ZFX: variants seen among roughly 807,000 people sequenced by gnomAD.
ZFX encodes the protein zinc finger X-chromosomal protein.
For synonymous variants in ZFX, 196 were observed against 226.8 expected (o/e 0.86, Z 1.22); for missense variants, 362 against 628.3 (o/e 0.58, Z 4.53).
chrX:24,205,914 T>C (rs781284519), intron 5 of ZFX, among the ~76,000 whole-genome samples: 7 of 111,232 alleles, frequency 6.3e-5, no homozygotes, highest in African/African-American at 2.3e-4. Context: ...ATCCCCTGAG[T>C]CTCTACTATT....
chrX:24,206,549 GTA>G (rs1157401741), intron 5 of ZFX, among the ~76,000 whole-genome samples: 16 of 56,194 alleles, frequency 2.8e-4, no homozygotes, highest in Admixed American at 1.5e-3. Context: ...GTGTGTGTGT[GTA>G]TTTTTTTTTT....
intron 3 of ZFX, among the ~76,000 whole-genome samples, chrX:24,165,122 C>A (rs1473111623): frequency 1.3e-5 from 1 of 79,855 alleles, no homozygotes; most frequent in Non-Finnish European, 2.4e-5. Flanking sequence ...AAAATATTTT[C>A]TTTTCTTTCT....
At position 24,212,115 on chromosome X, in the gene ZFX, T is replaced by G. The variant is rs1938129607; in HGVS notation, c.*739T>G. The G allele has an allele frequency of 8.9e-6, 1 of 112,606 alleles. No individual in the cohort carries two copies. The highest frequency in any genetic ancestry group is 1.9e-5 in the Non-Finnish European group (1 of 53,345). The allele number at this position is 112,606 out of a possible 1,213,427, so 9.3% of individuals were successfully genotyped here. A position where few individuals can be genotyped will look rare whatever the true frequency, so the allele number is the denominator to read the frequency against. On this transcript the variant is annotated 3_prime_UTR_variant, in exon 10 of 10. Coordinates refer to ENST00000304543, the MANE Select transcript of ZFX (RefSeq NM_003410.4). The stretch of plus-strand genomic sequence containing the variant: ...ATTATTCTGTCTGTGCGGCTTCATC[T>G]TGGAATGGTTGTGTGCTACAAATGA...
chrX:24,187,423 G>A (rs1263172379), intron 5 of ZFX, among the ~76,000 whole-genome samples: 1 of 111,471 alleles, frequency 9.0e-6, no homozygotes, highest in African/African-American at 3.3e-5. Context: ...GTAGATGGGG[G>A]AGGCAAATAG....
intron 4 of ZFX, chrX:24,177,795 G>A (rs1317918754): frequency 1.3e-6 from 1 of 752,158 alleles, no homozygotes; most frequent in Non-Finnish European, 1.6e-6. Flanking sequence ...AAAAATAGAA[G>A]TAAAAGAAAC....
intron 3 of ZFX, among the ~76,000 whole-genome samples, chrX:24,168,586 G>T: frequency 9.2e-6 from 1 of 108,976 alleles, no homozygotes; most frequent in Admixed American, 9.9e-5. Flanking sequence ...TTGCTTTAAA[G>T]AATGGAAGGA....
intron 5 of ZFX, among the ~76,000 whole-genome samples, chrX:24,187,728 A>G (rs1936238719): frequency 8.9e-6 from 1 of 112,017 alleles, no homozygotes; most frequent in Admixed American, 9.5e-5. Flanking sequence ...ATCAGCCATA[A>G]TGAGCTGCGA....
At chrX:24,171,624 C>CA (rs985182060) in intron 3 of ZFX, among the ~76,000 whole-genome samples, 17 of 109,881 alleles carry the variant, frequency 1.5e-4, no homozygotes, top group African/African-American at 4.3e-4. Context: ...ATAAAATCAG[C>CA]AAAAAAAAGC....
Position 24,207,420 on chromosome X carries a change from C to G in ZFX, c.741C>G (p.Cys247Trp). 1 of 1,209,930 alleles carries G rather than the reference C, an allele frequency of 8.3e-7. No individual in the cohort carries two copies. The highest frequency in any genetic ancestry group is 1.1e-6 in the Non-Finnish European group (1 of 895,038). ...EIDPCKVDGT[C>W]PEVIKVYIFK... Reference sequence around the variant, plus strand: ...ATCCTTGTAAAGTGGATGGCACTTGCCCTGAGGTCATCAAGGTGTACATTT... The same window carrying G: ...ATCCTTGTAAAGTGGATGGCACTTGGCCTGAGGTCATCAAGGTGTACATTT... Residue 247 changes from cysteine (C) to tryptophan (W), a missense_variant, in exon 6 of 10, where the codon TGC becomes TGG. Physicochemically the swap from Cys to Trp is radical, Grantham distance 215 (BLOSUM62 -2). Coordinates refer to ENST00000304543, the MANE Select transcript of ZFX (RefSeq NM_003410.4).
In ZFX at chrX:24,216,167, A is replaced by G. The variant is rs1438440986; in HGVS notation, c.*4791A>G. The G allele has an allele frequency of 2.7e-5, 3 of 111,521 alleles. No individual in the cohort carries two copies. In the South Asian group the frequency reaches 1.1e-3, roughly 42 times the overall value. 9.2% of individuals were successfully genotyped at this position (111,521 alleles called of 1,213,427 possible). A position where few individuals can be genotyped will look rare whatever the true frequency, so the allele number is the denominator to read the frequency against. On this transcript the variant is annotated 3_prime_UTR_variant, in exon 10 of 10. Transcript: ENST00000304543. ...TAAATCACACAGTTAATGAATTCCC[A>G]ACTTGTTTGAAGCTGGAGGTGATTC...
intron 5 of ZFX, among the ~76,000 whole-genome samples, chrX:24,202,848 A>G (rs1211318682): frequency 8.9e-6 from 1 of 112,061 alleles, no homozygotes; most frequent in Non-Finnish European, 1.9e-5. Flanking sequence ...ATCATCTACC[A>G]TCACCAGACT....
At chrX:24,199,839 C>T (rs1937170874) in intron 5 of ZFX, among the ~76,000 whole-genome samples, 1 of 109,444 alleles carries the variant, frequency 9.1e-6, no homozygotes, top group Non-Finnish European at 1.9e-5. Context: ...ATCGCTTGAA[C>T]CTGGAAGGCA....
intron 3 of ZFX, among the ~76,000 whole-genome samples, chrX:24,155,012 A>T (rs989594421): frequency 9.0e-6 from 1 of 110,745 alleles, no homozygotes; most frequent in African/African-American, 3.3e-5. Flanking sequence ...ATCAGAAGAG[A>T]TAACTATTGG....
rs1938361855 is a variant in ZFX, at chrX:24,214,975, A to G, written c.*3599A>G. The G allele has an allele frequency of 9.1e-6, 1 of 110,423 alleles. No individual in the cohort carries two copies. Among genetic ancestry groups the G allele is most frequent in the African/African-American group, 3.4e-5 (1 of 29,690 alleles). The allele number at this position is 110,423 out of a possible 1,213,427, so 9.1% of individuals were successfully genotyped here. On this transcript the variant is annotated 3_prime_UTR_variant, in exon 10 of 10. Coordinates refer to ENST00000304543, the MANE Select transcript of ZFX (RefSeq NM_003410.4). ...AATCGGCAGTTAAGTAAATGTCAGGAGTCAAAAGAGATAGAGTTGTGCCAT... is the reference window on the plus strand; with the variant it reads ...AATCGGCAGTTAAGTAAATGTCAGGGGTCAAAAGAGATAGAGTTGTGCCAT...
At chrX:24,173,823 G>A in intron 4 of ZFX, 2 of 412,686 alleles carry the variant, frequency 4.8e-6, no homozygotes, top group Non-Finnish European at 8.4e-6. Flanking sequence ...TTGAACCCGT[G>A]GGCTCATGTG....
chrX:24,190,150 A>C (rs1936436710), intron 5 of ZFX, among the ~76,000 whole-genome samples: 1 of 111,673 alleles, frequency 9.0e-6, no homozygotes. Flanking sequence ...GTTTTGAAAT[A>C]TGTATGTGTT....
intron 5 of ZFX, among the ~76,000 whole-genome samples, chrX:24,191,848 C>T (rs913324508): frequency 5.4e-5 from 6 of 110,244 alleles, no homozygotes; most frequent in Admixed American, 9.7e-5. Context: ...TACAGGTGTG[C>T]GCTACCACAC....
chrX:24,202,070 T>C (rs1220527844), intron 5 of ZFX, among the ~76,000 whole-genome samples: 4 of 112,032 alleles, frequency 3.6e-5, no homozygotes, highest in East Asian at 5.6e-4. Flanking sequence ...TTCTGCATTA[T>C]CACCTTCCCT....
At position 24,212,449 on chromosome X, in the gene ZFX, T is replaced by A; in HGVS notation, c.*1073T>A. The A allele has an allele frequency of 8.9e-6, 1 of 112,572 alleles. No individual in the cohort carries two copies. Among genetic ancestry groups the A allele is most frequent in the East Asian group, 2.8e-4 (1 of 3,603 alleles). 9.3% of individuals were successfully genotyped at this position (112,572 alleles called of 1,213,427 possible). Reference sequence around the variant, plus strand: ...AGAATTAGAAGGAAAATAAGGACACTAGTATTTTTAAAGAGTAAAGATATT... The same window carrying A: ...AGAATTAGAAGGAAAATAAGGACACAAGTATTTTTAAAGAGTAAAGATATT... On this transcript the variant is annotated 3_prime_UTR_variant, in exon 10 of 10. Coordinates refer to ENST00000304543, the MANE Select transcript of ZFX (RefSeq NM_003410.4).
Sources: allele counts gnomAD v4.1 joint callset (sites outside exome capture counted in the v4.1 genomes callset), GRCh38; gene constraint gnomAD v4.1.1; transcripts MANE v1.5; gene names NCBI Gene and HGNC (gene_info 2026-07-23, HGNC 2026-07-21).